The following C12orf60 variants were observed in gnomAD, a reference collection of about 807,000 sequenced individuals.
C12orf60 encodes uncharacterized protein C12orf60.
For synonymous variants in C12orf60, 102 were observed against 94.6 expected (o/e 1.08, Z -0.45); for missense variants, 284 against 283.2 (o/e 1.00, Z -0.02).
intron 1 of C12orf60, among the ~76,000 whole-genome samples, chr12:14,807,533 A>G (rs1057053049): frequency 6.6e-6 from 1 of 152,348 alleles, no homozygotes; most frequent in East Asian, 1.9e-4. Flanking sequence ...ATTTTAACTT[A>G]AAATATTCAA....
chr12:14,804,724 G>C (rs928917497), intron 1 of C12orf60: 3 of 152,230 alleles, frequency 2.0e-5, no homozygotes, highest in South Asian at 2.1e-4. Flanking sequence ...TCATAGTTTT[G>C]CAACTCGTTT....
chr12:14,809,066 G>T (rs575233036), intron 1 of C12orf60, among the ~76,000 whole-genome samples: 1 of 152,154 alleles, frequency 6.6e-6, no homozygotes, highest in African/African-American at 2.4e-5. Flanking sequence ...TGACTGACAG[G>T]AGAAAATTAG....
intron 1 of C12orf60, among the ~76,000 whole-genome samples, chr12:14,806,893 G>A (rs772013645): frequency 6.6e-6 from 1 of 152,096 alleles, no homozygotes; most frequent in South Asian, 2.1e-4. Flanking sequence ...GTGCAGTGGT[G>A]CGATCTCAGC....
At position 14,823,572 on chromosome 12, in the gene C12orf60, C is replaced by A. The variant is rs964052173; in HGVS notation, c.637C>A (p.Gln213Lys). The A allele has an allele frequency of 1.2e-6, 2 of 1,613,706 alleles. No homozygotes were observed. The highest frequency in any genetic ancestry group is 3.3e-5 in the Admixed American group (2 of 59,940). The stretch of plus-strand genomic sequence containing the variant: ...AAAGTCAGCAGCAGATTTGTTGGAA[C>A]AAATTGTCAAGGCTATGGGACCAAT... The part of the protein sequence containing the change: ...PTKSAADLLE[Q>K]IVKAMGPILE... The change falls in exon 2 of 2, where the codon CAA becomes AAA. Residue 213 changes from glutamine to lysine, a missense_variant. Gln to Lys is a moderately conservative substitution (Grantham distance 53). Transcript: ENST00000330828.
chr12:14,807,187 AGT>A (rs1462338535), intron 1 of C12orf60, among the ~76,000 whole-genome samples: 1 of 152,192 alleles, frequency 6.6e-6, no homozygotes, highest in African/African-American at 2.4e-5. Context: ...GTGTATGGAA[AGT>A]GTAGGCAACA....
At chr12:14,812,304 C>T (rs940877814) in intron 1 of C12orf60, among the ~76,000 whole-genome samples, 7 of 152,244 alleles carry the variant, frequency 4.6e-5, no homozygotes, top group East Asian at 1.9e-4. Flanking sequence ...ATTAGCCGGG[C>T]GCGGTGGCGG....
intron 1 of C12orf60, chr12:14,806,459 C>T (rs1950052379): frequency 6.2e-7 from 1 of 1,614,142 alleles, no homozygotes; most frequent in Non-Finnish European, 8.5e-7. Context: ...TTTGGATTTT[C>T]ATAATGGCTT....
rs1950331701 is a variant in C12orf60, at chr12:14,823,121, A to G, written c.186A>G (p.Gln62=). The G allele has an allele frequency of 1.2e-6, 2 of 1,613,992 alleles. No homozygotes were observed. The highest frequency in any genetic ancestry group is 1.7e-6 in the Non-Finnish European group (2 of 1,179,908). Residue 62 remains glutamine, a synonymous_variant, in exon 2 of 2, where the codon CAA becomes CAG. Transcript: ENST00000330828. ...NNSYIKDFFE[Q]MLKIFKEMQS... ...GTTACATTAAGGATTTTTTTGAGCAAATGCTCAAAATTTTTAAGGAGATGC... is the reference window on the plus strand; with the variant it reads ...GTTACATTAAGGATTTTTTTGAGCAGATGCTCAAAATTTTTAAGGAGATGC...
chr12:14,817,639 G>A (rs1950241546), intron 1 of C12orf60, among the ~76,000 whole-genome samples: 1 of 152,142 alleles, frequency 6.6e-6, no homozygotes, highest in Non-Finnish European at 1.5e-5. Context: ...CTTCATCCAT[G>A]TCCCTGCAAA....
intron 1 of C12orf60, among the ~76,000 whole-genome samples, chr12:14,816,093 C>T (rs916969709): frequency 3.3e-5 from 5 of 152,136 alleles, no homozygotes; most frequent in Non-Finnish European, 5.9e-5. Context: ...CCAGTATTAA[C>T]GTCAAGTCAA....
chr12:14,809,566 TG>T (rs984523074), intron 1 of C12orf60, among the ~76,000 whole-genome samples: 6 of 152,290 alleles, frequency 3.9e-5, no homozygotes, highest in African/African-American at 1.4e-4. Context: ...ACTCCATAAA[TG>T]GTCTTGAGTC....
intron 1 of C12orf60, among the ~76,000 whole-genome samples, chr12:14,807,184 G>A (rs182586454): frequency 5.3e-5 from 8 of 152,322 alleles, no homozygotes; most frequent in Middle Eastern, 3.4e-3. Context: ...TCAGTGTATG[G>A]AAAGTGTAGG....
At chr12:14,808,630 G>A (rs1592231417) in intron 1 of C12orf60, among the ~76,000 whole-genome samples, 1 of 152,094 alleles carries the variant, frequency 6.6e-6, no homozygotes, top group African/African-American at 2.4e-5. Context: ...ATATAAGTTG[G>A]CAACGGAAAA....
At chr12:14,815,763 C>A (rs554719881) in intron 1 of C12orf60, among the ~76,000 whole-genome samples, 1 of 152,246 alleles carries the variant, frequency 6.6e-6, no homozygotes, top group Non-Finnish European at 1.5e-5. Flanking sequence ...AAAACAGTTG[C>A]ATTTTGTTTC....
At chr12:14,809,124 A>G (rs1480093051) in intron 1 of C12orf60, among the ~76,000 whole-genome samples, 1 of 152,170 alleles carries the variant, frequency 6.6e-6, no homozygotes, top group East Asian at 1.9e-4. Flanking sequence ...TCTTATCCTG[A>G]AAAAGTTCAA....
chr12:14,824,349 T>C lies in C12orf60; in HGVS notation c.*676T>C, dbSNP rs1592245644. The C allele has an allele frequency of 6.6e-6, 1 of 152,190 alleles. No individual in the cohort carries two copies. The highest frequency in any genetic ancestry group is 6.5e-5 in the Admixed American group (1 of 15,280). The allele number at this position is 152,190 out of a possible 1,614,324, so 9.4% of individuals were successfully genotyped here. Reference sequence around the variant, plus strand: ...GAAAAGACTTTCACAAGGAAAACACTTGCAGAAGTAGGATATCTGAGATGT... The same window carrying C: ...GAAAAGACTTTCACAAGGAAAACACCTGCAGAAGTAGGATATCTGAGATGT... On this transcript the variant is annotated 3_prime_UTR_variant, in exon 2 of 2. Transcript: ENST00000330828.
intron 1 of C12orf60, among the ~76,000 whole-genome samples, chr12:14,808,832 A>G (rs1327590666): frequency 6.6e-6 from 1 of 152,196 alleles, no homozygotes; most frequent in Non-Finnish European, 1.5e-5. Context: ...CATTTCCACA[A>G]AACAATACTT....
At chr12:14,806,701 AAAAT>A in intron 1 of C12orf60, 2 of 1,554,804 alleles carry the variant, frequency 1.3e-6, no homozygotes, top group Non-Finnish European at 1.7e-6. Context: ...TGATCGCTGA[AAAAT>A]AAAATGGTAA....
chr12:14,817,102 A>G (rs1401381752), intron 1 of C12orf60, among the ~76,000 whole-genome samples: 2 of 152,150 alleles, frequency 1.3e-5, no homozygotes, highest in Non-Finnish European at 2.9e-5. Flanking sequence ...TTTAATGGAT[A>G]TGCTTTTGGT....
Sources: gnomAD v4.1 joint callset for allele counts (sites outside exome capture counted in the v4.1 genomes callset) on GRCh38, gnomAD v4.1.1 for gene constraint, MANE v1.5 for transcripts, NCBI Gene and HGNC (gene_info 2026-07-23, HGNC 2026-07-21) for gene names.